EPHA6: variants seen among roughly 807,000 people sequenced by gnomAD.
The protein encoded by EPHA6 is ephrin type-A receptor 6.
A neutral mutation model predicts 112.0 loss-of-function variants in EPHA6; 50 were observed. That is an observed-to-expected ratio of 0.45 (90% CI 0.36 to 0.56). The LOEUF (loss-of-function observed/expected upper bound fraction) is 0.56, where lower values mean the gene tolerates loss of function less well. Ranked by LOEUF, EPHA6 falls within the 20% of genes least tolerant of loss-of-function variation. The pLI is 0.00. For synonymous variants in EPHA6, 529 were observed against 490.7 expected (o/e 1.08, Z -1.03); for missense variants, 1,280 against 1,417.4 (o/e 0.90, Z 1.56).
intron 5 of EPHA6, among the ~76,000 whole-genome samples, chr3:97,370,485 AAT>A (rs1284132007): frequency 6.6e-6 from 1 of 152,154 alleles, no homozygotes; most frequent in Non-Finnish European, 1.5e-5. Flanking sequence ...TGTGCTTTAT[AAT>A]ATACACACCA....
At chr3:97,214,038 T>TGTGTGTGAGA (rs1491420279) in intron 3 of EPHA6, among the ~76,000 whole-genome samples, 111 of 77,838 alleles carry the variant, frequency 1.4e-3, no homozygotes, top group African/African-American at 3.5e-3. Flanking sequence ...TGTGTGTGTG[T>TGTGTGTGAGA]GAGAGAGAGA....
At chr3:97,482,906 C>A (rs1379842) in intron 9 of EPHA6, among the ~76,000 whole-genome samples, 40,294 of 151,932 alleles carry the variant, frequency 0.27, 9,729 homozygotes, top group African/African-American at 0.63. Context: ...ATATTCGGAA[C>A]GATAGAAAGA....
At chr3:97,402,481 G>C (rs1323345854) in intron 5 of EPHA6, among the ~76,000 whole-genome samples, 1 of 151,940 alleles carries the variant, frequency 6.6e-6, no homozygotes, top group Non-Finnish European at 1.5e-5. Context: ...GCTTGCATTT[G>C]CATGGAATGT....
At chr3:96,927,987 G>A (rs749649939) in intron 2 of EPHA6, among the ~76,000 whole-genome samples, 13 of 152,170 alleles carry the variant, frequency 8.5e-5, no homozygotes, top group Non-Finnish European at 1.5e-4. Context: ...GCAAGAAAGC[G>A]AGTGTGTGAA....
At chr3:97,378,295 G>A (rs895033788) in intron 5 of EPHA6, among the ~76,000 whole-genome samples, 2 of 152,164 alleles carry the variant, frequency 1.3e-5, no homozygotes, top group African/African-American at 4.8e-5. Flanking sequence ...GTCAAGAATT[G>A]GGGTTTGGGA....
Position 97,033,939 on chromosome 3 carries a change from A to G in EPHA6, c.1114+45946A>G, listed in dbSNP as rs566553991. ...AGAAATCAAACAATATTTTCTGAGA[A>G]TTGTTCTGAGCTAAAACAATAACAA... On this transcript the variant is annotated intron_variant, in intron 3 of 17. Transcript: ENST00000389672. Among the ~76,000 whole-genome samples, 4 of 152,072 alleles carry G rather than the reference A, an allele frequency of 2.6e-5. No homozygotes were observed. In the South Asian group the frequency reaches 6.2e-4, roughly 24 times the overall value.
At chr3:97,000,461 G>C (rs2107900174) in intron 3 of EPHA6, among the ~76,000 whole-genome samples, 1 of 151,748 alleles carries the variant, frequency 6.6e-6, no homozygotes, top group Non-Finnish European at 1.5e-5. Context: ...TTACAATGTA[G>C]AAGTTAGTTT....
intron 10 of EPHA6, among the ~76,000 whole-genome samples, chr3:97,515,646 A>G (rs1175207416): frequency 6.6e-6 from 1 of 152,200 alleles, no homozygotes; most frequent in Non-Finnish European, 1.5e-5. Context: ...ACTAGGTCAC[A>G]AAAACATTCT....
At chr3:97,688,255 G>T (rs920534601) in intron 14 of EPHA6, among the ~76,000 whole-genome samples, 1 of 151,864 alleles carries the variant, frequency 6.6e-6, no homozygotes, top group African/African-American at 2.4e-5. Context: ...CTGTTATTTG[G>T]TATGTAATTT....
At chr3:97,186,930 A>G (rs551384940) in intron 3 of EPHA6, among the ~76,000 whole-genome samples, 23 of 152,196 alleles carry the variant, frequency 1.5e-4, no homozygotes, top group Admixed American at 1.4e-3. Flanking sequence ...ATGGGTTGCC[A>G]TTTTTCCAGC....
At chr3:97,383,430 T>C (rs1317128582) in intron 5 of EPHA6, among the ~76,000 whole-genome samples, 1 of 152,108 alleles carries the variant, frequency 6.6e-6, no homozygotes, top group Non-Finnish European at 1.5e-5. Flanking sequence ...GTAATATTCA[T>C]TGAAAACATG....
intron 3 of EPHA6, among the ~76,000 whole-genome samples, chr3:97,082,969 A>G (rs1345717691): frequency 6.6e-6 from 1 of 151,892 alleles, no homozygotes; most frequent in Non-Finnish European, 1.5e-5. Context: ...TCAATTAGAA[A>G]ATGCTTTGGC....
intron 11 of EPHA6, among the ~76,000 whole-genome samples, chr3:97,574,677 A>G (rs553632705): frequency 6.6e-6 from 1 of 152,292 alleles, no homozygotes; most frequent in African/African-American, 2.4e-5. Flanking sequence ...ATTCTTACAA[A>G]TCATTTTTAA....
chr3:97,129,324 C>T (rs1475264190), intron 3 of EPHA6, among the ~76,000 whole-genome samples: 1 of 151,880 alleles, frequency 6.6e-6, no homozygotes, highest in South Asian at 2.1e-4. Flanking sequence ...ACGGTGAAAC[C>T]CTGTCTCTAC....
intron 14 of EPHA6, among the ~76,000 whole-genome samples, chr3:97,709,824 C>G (rs2033872699): frequency 6.6e-6 from 1 of 152,066 alleles, no homozygotes; most frequent in South Asian, 2.1e-4. Flanking sequence ...GGCAGATGCT[C>G]CCTCACTCTT....
At chr3:97,045,315 T>C (rs1222936806) in intron 3 of EPHA6, among the ~76,000 whole-genome samples, 1 of 152,058 alleles carries the variant, frequency 6.6e-6, no homozygotes, top group Non-Finnish European at 1.5e-5. Context: ...CCCTGACAGA[T>C]GGCTACATGC....
chr3:97,755,127 T>C lies in EPHA6; in HGVS notation c.*6426T>C, dbSNP rs79284231. Among the ~76,000 whole-genome samples, 2,011 of 152,284 alleles carry C rather than the reference T, an allele frequency of 0.013. 35 individuals carry two copies. Among genetic ancestry groups the C allele is most frequent in the African/African-American group, 0.045 (1,891 of 41,562 alleles). ...GATTTGTTTCATTATAGAGAAAGTCTCAAAGAATTCCATTACCCTTAGACA... is the reference window on the plus strand; with the variant it reads ...GATTTGTTTCATTATAGAGAAAGTCCCAAAGAATTCCATTACCCTTAGACA... On this transcript the variant is annotated 3_prime_UTR_variant, in exon 18 of 18. Transcript: ENST00000389672.
intron 2 of EPHA6, among the ~76,000 whole-genome samples, chr3:96,923,203 G>C (rs1216559428): frequency 6.6e-6 from 1 of 152,116 alleles, no homozygotes; most frequent in Non-Finnish European, 1.5e-5. Context: ...CTAGATCTTT[G>C]AGGAATTGCT....
Position 97,350,104 on chromosome 3 carries a change from G to A in EPHA6, c.1607-55046G>A, listed in dbSNP as rs142254810. On this transcript the variant is annotated intron_variant, in intron 5 of 17. Transcript: ENST00000389672. ...TGAAAGACATAGCATTGGAGAAAGA[G>A]CTTTGTCTTGCTCCTTTTCACTCTT... is the stretch of plus-strand genomic sequence containing the variant. 2.3e-4 allele frequency among the ~76,000 whole-genome samples: 35 copies of A among 152,048 alleles called. No homozygotes were observed. The East Asian group carries it at 6.4e-3, about 28-fold the overall frequency.
Sources: allele counts gnomAD v4.1 joint callset (sites outside exome capture counted in the v4.1 genomes callset), GRCh38; gene constraint gnomAD v4.1.1; transcripts MANE v1.5; gene names NCBI Gene and HGNC (gene_info 2026-07-23, HGNC 2026-07-21).